The following PRDX3 variants were observed in gnomAD, a reference collection of about 807,000 sequenced individuals.
PRDX3 encodes the protein thioredoxin-dependent peroxide reductase, mitochondrial.
PRDX3 carries 20 observed loss-of-function variants against 30.4 expected under a neutral mutation model. The observed-to-expected ratio is 0.66, with a 90% confidence interval of 0.46 to 0.96. PRDX3 has a LOEUF of 0.96. PRDX3 is among the 40% of genes least tolerant of loss of function. The probability of loss-of-function intolerance (pLI) is 0.00; values close to 1 mark genes in which losing one functional copy is unlikely to be tolerated. For missense variants in PRDX3, 322 were observed against 318.3 expected, an observed-to-expected ratio of 1.01 and a Z score of -0.09; for synonymous variants, 124 against 117.8, an observed-to-expected ratio of 1.05 and a Z score of -0.34.
intron 5 of PRDX3, among the ~76,000 whole-genome samples, chr10:119,171,301 A>C (rs1323490461): frequency 1.3e-5 from 2 of 151,718 alleles, no homozygotes; most frequent in Non-Finnish European, 2.9e-5. Context: ...CGGCCTCCCA[A>C]AGTGCTGGCA....
intron 1 of PRDX3, among the ~76,000 whole-genome samples, chr10:119,177,770 A>G (rs976607883): frequency 6.6e-6 from 1 of 151,800 alleles, no homozygotes; most frequent in Admixed American, 6.6e-5. Flanking sequence ...TACCATTTCA[A>G]GGTTTTCCTT....
rs1409126059 is a variant in PRDX3 at position 119,178,795 on chromosome 10, A to G, written c.-5T>C. The G allele has an allele frequency of 3.3e-6, 5 of 1,538,282 alleles. No individual in the cohort carries two copies. Among genetic ancestry groups the G allele is most frequent in the East Asian group, 5.0e-5 (2 of 40,006 alleles). On this transcript the variant is annotated 5_prime_UTR_variant, in exon 1 of 7. Coordinates refer to ENST00000298510, the MANE Select transcript of PRDX3 (RefSeq NM_006793.5). ...CCGTCCTACAGCAGCCGCCATCTTC[A>G]GTGCACTCGGGCGCCACGGGGCGGG...
chr10:119,178,801 C>T lies in PRDX3; in HGVS notation c.-11G>A, dbSNP rs577659748. The T allele has an allele frequency of 1.1e-5, 17 of 1,552,156 alleles. No homozygotes were observed. In the South Asian group the frequency reaches 1.7e-4, roughly 15 times the overall value. The stretch of plus-strand genomic sequence containing the variant: ...TACAGCAGCCGCCATCTTCAGTGCA[C>T]TCGGGCGCCACGGGGCGGGCAGAGA... On this transcript the variant is annotated 5_prime_UTR_variant, in exon 1 of 7. The change creates a new upstream start codon in the 5' untranslated region. Coordinates refer to ENST00000298510, the MANE Select transcript of PRDX3 (RefSeq NM_006793.5).
rs887488030 is a variant in PRDX3, at chr10:119,177,270, C to G, written c.37-117G>C. 2.9e-5 allele frequency: 29 copies of G among 990,964 alleles called. No individual in the cohort carries two copies. In the African/African-American group the frequency reaches 3.1e-4, roughly 11 times the overall value. The allele number at this position is 990,964 out of a possible 1,614,324, so 61.4% of individuals were successfully genotyped here. A position where few individuals can be genotyped will look rare whatever the true frequency, so the allele number is the denominator to read the frequency against. ...TGTTCCTGTGAACCAAATAGCAAACCCCAAACTCTAAGAGCATGGATTGGA... is the reference window on the plus strand; with the variant it reads ...TGTTCCTGTGAACCAAATAGCAAACGCCAAACTCTAAGAGCATGGATTGGA... On this transcript the variant is annotated intron_variant, in intron 1 of 6. Transcript: ENST00000298510.
intron 2 of PRDX3, 27 bp from the exon 3 acceptor site, chr10:119,174,619 A>G: frequency 6.5e-7 from 1 of 1,547,040 alleles, no homozygotes; most frequent in Non-Finnish European, 8.7e-7. Context: ...ACTCATATGG[A>G]GTTCATCATT....
Position 119,172,334 on chromosome 10 carries a change from T to C in PRDX3, c.551+48A>G, listed in dbSNP as rs375657661. 1.5e-3 allele frequency: 2,226 copies of C among 1,441,856 alleles called. 27 individuals are homozygous for C. Among genetic ancestry groups the C allele is most frequent in the South Asian group, 0.013 (1,164 of 87,566 alleles). The allele number at this position is 1,441,856 out of a possible 1,614,324, so 89.3% of individuals were successfully genotyped here. A position where few individuals can be genotyped will look rare whatever the true frequency, so the allele number is the denominator to read the frequency against. On this transcript the variant is annotated intron_variant, in intron 5 of 6. Transcript: ENST00000298510. ...ATAAATCCCCTAAGAAGCAGAATGA[T>C]ACTAAACATGAAAAATAATCTTAAG...
At chr10:119,178,569 G>A (rs1333839287) in intron 1 of PRDX3, among the ~76,000 whole-genome samples, 186 bp downstream of exon 1, 1 of 152,234 alleles carries the variant, frequency 6.6e-6, no homozygotes, top group Non-Finnish European at 1.5e-5. Context: ...GGATGGAGTG[G>A]GGAAGGGCGG....
At chr10:119,171,261 C>A (rs1210107701) in intron 5 of PRDX3, among the ~76,000 whole-genome samples, 1 of 151,976 alleles carries the variant, frequency 6.6e-6, no homozygotes. Context: ...AGGATGGTCT[C>A]GATCTCTTGA....
At chr10:119,172,056 G>C (rs919317888) in intron 5 of PRDX3, among the ~76,000 whole-genome samples, 4 of 152,256 alleles carry the variant, frequency 2.6e-5, no homozygotes, top group African/African-American at 9.6e-5. Context: ...GCATTTCTGA[G>C]AGACCGCCAA....
At chr10:119,169,147 A>G (rs1382079862) in intron 6 of PRDX3, 30 bp downstream of exon 6, 56 of 1,608,018 alleles carry the variant, frequency 3.5e-5, no homozygotes, top group Non-Finnish European at 4.6e-5. Context: ...GAGAACATGG[A>G]CCTCACTGCT....
At chr10:119,177,402 G>A (rs577991036) in intron 1 of PRDX3, among the ~76,000 whole-genome samples, 2 of 152,270 alleles carry the variant, frequency 1.3e-5, no homozygotes, top group South Asian at 4.1e-4. Context: ...GCTCACACCT[G>A]TAATCCCAGC....
At chr10:119,176,156 G>C (rs1848020846) in intron 2 of PRDX3, among the ~76,000 whole-genome samples, 2 of 152,148 alleles carry the variant, frequency 1.3e-5, no homozygotes, top group South Asian at 4.1e-4. Flanking sequence ...GGATGCAAGA[G>C]ATGTGTCAAA....
intron 5 of PRDX3, 87 bp downstream of exon 5, chr10:119,172,295 T>C (rs1317391789): frequency 2.5e-5 from 29 of 1,182,116 alleles, no homozygotes; most frequent in Non-Finnish European, 3.4e-5. Context: ...TAAAAATGCT[T>C]TACCAAGGTC....
chr10:119,173,521 A>C (rs550522695), intron 4 of PRDX3, among the ~76,000 whole-genome samples: 4 of 151,926 alleles, frequency 2.6e-5, no homozygotes, highest in African/African-American at 4.8e-5. Flanking sequence ...AGGTAGGAGA[A>C]TCGCTTGAAC....
At chr10:119,176,028 C>G (rs1453747997) in intron 2 of PRDX3, among the ~76,000 whole-genome samples, 1 of 152,002 alleles carries the variant, frequency 6.6e-6, no homozygotes, top group African/African-American at 2.4e-5. Context: ...AAGTAATTCG[C>G]CTGCCTTGGC....
At chr10:119,169,106 G>A in intron 6 of PRDX3, 71 bp downstream of exon 6, 1 of 1,533,168 alleles carries the variant, frequency 6.5e-7, no homozygotes, top group South Asian at 1.2e-5. Flanking sequence ...CCCTTTTGTG[G>A]ATATTTCAGG....
At chr10:119,174,762 G>A (rs1847988321) in intron 2 of PRDX3, 170 bp from the exon 3 acceptor site, 1 of 604,876 alleles carries the variant, frequency 1.7e-6, no homozygotes, top group Non-Finnish European at 2.7e-6. Context: ...ACCTGTGGGG[G>A]GATTGGTTCT....
chr10:119,178,388 G>A (rs546554187), intron 1 of PRDX3, among the ~76,000 whole-genome samples: 7 of 152,200 alleles, frequency 4.6e-5, no homozygotes, highest in Admixed American at 4.6e-4. Flanking sequence ...TCACAGCAAC[G>A]CCTTGATGTA....
In PRDX3 at chr10:119,178,162, C is replaced by G. The variant is rs923658464; in HGVS notation, c.36+593G>C. On this transcript the variant is annotated intron_variant, in intron 1 of 6. Transcript: ENST00000298510. ...ACAGGCGTGAGCCACCGCACTCTGC[C>G]GGTTTGCTCAACTTTAATGTTCAAA... Among the ~76,000 whole-genome samples, 7 of 152,070 alleles carry G rather than the reference C, an allele frequency of 4.6e-5. No individual in the cohort carries two copies. The East Asian group carries it at 9.6e-4, about 21-fold the overall frequency.
Sources: allele counts gnomAD v4.1 joint callset (sites outside exome capture counted in the v4.1 genomes callset), GRCh38; gene constraint gnomAD v4.1.1; transcripts MANE v1.5; gene names NCBI Gene and HGNC (gene_info 2026-07-23, HGNC 2026-07-21).